SPATC1: variants seen among roughly 807,000 people sequenced by gnomAD.
SPATC1 encodes spermatogenesis and centriole associated 1.
In SPATC1, 35 loss-of-function variants were observed where a neutral mutation model predicts 36.5. The ratio of observed to expected loss-of-function variants is 0.96; its 90% confidence interval spans 0.73 to 1.27. The LOEUF is 1.27. Ranked by LOEUF, SPATC1 falls within the 50% of genes most tolerant of loss-of-function variation. The probability of loss-of-function intolerance (pLI) is 0.00; values close to 1 mark genes in which losing one functional copy is unlikely to be tolerated. For missense variants in SPATC1, 779 were observed against 796.0 expected (o/e 0.98, Z 0.26); for synonymous variants, 361 against 353.6 (o/e 1.02, Z -0.24).
intron 1 of SPATC1, among the ~76,000 whole-genome samples, chr8:144,022,691 CTG>C (rs1834562029): frequency 6.6e-6 from 1 of 150,742 alleles, no homozygotes; most frequent in Non-Finnish European, 1.5e-5. Context: ...CTCCTCAGGA[CTG>C]CCTTCCCTCA....
chr8:144,015,905 A>T (rs528998213), intron 1 of SPATC1, among the ~76,000 whole-genome samples: 8 of 151,256 alleles, frequency 5.3e-5, no homozygotes, highest in Admixed American at 5.3e-4. Context: ...TAAAAATACA[A>T]AAACAAAATT....
rs1313059247 is a variant in SPATC1, at chr8:144,046,359, G to A, written c.1447-268G>A. Among the ~76,000 whole-genome samples, 1 of 152,108 alleles carries A rather than the reference G, an allele frequency of 6.6e-6. No homozygotes were observed. Among genetic ancestry groups the A allele is most frequent in the Non-Finnish European group, 1.5e-5 (1 of 67,994 alleles). On this transcript the variant is annotated intron_variant, in intron 4 of 4. Coordinates refer to ENST00000377470, the MANE Select transcript of SPATC1 (RefSeq NM_198572.3). The surrounding 1 kb of genome is among the most constrained non-coding windows in gnomAD (Gnocchi z 6.6). Reference sequence around the variant, plus strand: ...TGCGTGGAGCAGACGACAGGGTTGGGGCATCCTCTTCCACCCTGTGGCTGA... The same window carrying A: ...TGCGTGGAGCAGACGACAGGGTTGGAGCATCCTCTTCCACCCTGTGGCTGA...
At chr8:144,014,491 A>C (rs553522443) in intron 1 of SPATC1, among the ~76,000 whole-genome samples, 1 of 151,564 alleles carries the variant, frequency 6.6e-6, no homozygotes, top group Admixed American at 6.6e-5. Context: ...GGAAGGAAAG[A>C]AGGAAGGAAG....
At position 144,045,352 on chromosome 8, in the gene SPATC1, T is replaced by A. The variant is rs1316088142; in HGVS notation, c.1447-1275T>A. On this transcript the variant is annotated intron_variant, in intron 4 of 4. Coordinates refer to ENST00000377470, the MANE Select transcript of SPATC1 (RefSeq NM_198572.3). This position sits in a 1 kb window ranked among gnomAD's most constrained non-coding sequence, Gnocchi z 5.2. ...GCTGAGCGCAGGCTCTGGGAGCACT[T>A]AGCAGAGGTTGACGTCACATTAACC... Among the ~76,000 whole-genome samples the A allele has an allele frequency of 2.0e-5, 3 of 152,202 alleles. No homozygotes were observed. Among genetic ancestry groups the A allele is most frequent in the African/African-American group, 7.2e-5 (3 of 41,438 alleles).
intron 1 of SPATC1, among the ~76,000 whole-genome samples, chr8:144,017,220 T>A (rs1554753358): frequency 1.3e-5 from 2 of 152,174 alleles, no homozygotes; most frequent in African/African-American, 4.8e-5. Context: ...CCAAGGCAGA[T>A]CTCTATAGTT....
chr8:144,044,141 C>T (rs1415600653), intron 4 of SPATC1, among the ~76,000 whole-genome samples: 1 of 152,168 alleles, frequency 6.6e-6, no homozygotes, highest in Non-Finnish European at 1.5e-5. Context: ...CCTGGGGAGG[C>T]ATTCAGTAAA....
At chr8:144,014,715 CA>C (rs1834348306) in intron 1 of SPATC1, among the ~76,000 whole-genome samples, 1 of 152,150 alleles carries the variant, frequency 6.6e-6, no homozygotes, top group African/African-American at 2.4e-5. Flanking sequence ...GAGCGTGCCA[CA>C]AGTAGAAGTG....
chr8:144,041,295 T>A lies in SPATC1; in HGVS notation c.1370T>A (p.Ile457Asn). ...ATTGCCTTCCAGCTGGACCGCAGGA[T>A]CCTGTCCAGCATCTTCCCAGAGCGC... ...GEIAFQLDRR[I>N]LSSIFPERVR... is the part of the protein sequence containing the mutation. The change falls in exon 4 of 5, where the codon ATC (isoleucine) becomes AAC (asparagine). Residue 457 changes from isoleucine to asparagine, a missense_variant. Ile to Asn is a moderately radical substitution (Grantham distance 149). Coordinates refer to ENST00000377470, the MANE Select transcript of SPATC1 (RefSeq NM_198572.3). The A allele has an allele frequency of 6.2e-7, 1 of 1,613,214 alleles. No individual in the cohort carries two copies. The highest frequency in any genetic ancestry group is 8.5e-7 in the Non-Finnish European group (1 of 1,179,998).
intron 4 of SPATC1, among the ~76,000 whole-genome samples, chr8:144,042,311 A>ATATATATTTTT (rs1412021347): frequency 2.9e-4 from 7 of 23,884 alleles, no homozygotes; most frequent in Admixed American, 7.0e-4. Context: ...ATATATATAT[A>ATATATATTTTT]TTTTTTTTTT....
chr8:144,029,062 G>A (rs1834742194), intron 1 of SPATC1, among the ~76,000 whole-genome samples: 1 of 151,828 alleles, frequency 6.6e-6, no homozygotes, highest in South Asian at 2.1e-4. Context: ...GAGGGGTTGG[G>A]GGAGGGAGAG....
chr8:144,021,131 T>TC, intron 1 of SPATC1, among the ~76,000 whole-genome samples: 4 of 1,878 alleles, frequency 2.1e-3, no homozygotes, highest in Admixed American at 5.6e-3. Context: ...GAGGATTCTC[T>TC]CCCTCAGGAC....
rs137945127 is a variant in SPATC1 at position 144,046,922 on chromosome 8, C to T, written c.1742C>T (p.Ala581Val). The change falls in exon 5 of 5, where the codon GCG becomes GTG. Residue 581 changes from alanine (A) to valine (V), a missense_variant. Coordinates refer to ENST00000377470, the MANE Select transcript of SPATC1 (RefSeq NM_198572.3). The surrounding 1 kb of genome is among the most constrained non-coding windows in gnomAD (Gnocchi z 6.6). ...CTGCTCTCCTGCCTCAGCCAGCTGG[C>T]GCACGATGACGGCAAGCCCATGTTC... The part of the protein sequence containing the change: ...LLLLSCLSQL[A>V]HDDGKPMFIW 5.4e-5 allele frequency: 87 copies of T among 1,598,220 alleles called. No individual in the cohort carries two copies. The highest frequency in any genetic ancestry group is 6.4e-5 in the Non-Finnish European group (75 of 1,179,558).
intron 1 of SPATC1, among the ~76,000 whole-genome samples, chr8:144,039,020 CTG>C (rs1442733454): frequency 6.6e-6 from 1 of 152,222 alleles, no homozygotes; most frequent in African/African-American, 2.4e-5. Flanking sequence ...TAGAGACTAA[CTG>C]TGGGATGATG....
chr8:144,035,284 A>G (rs1834875658), intron 1 of SPATC1, among the ~76,000 whole-genome samples: 1 of 152,198 alleles, frequency 6.6e-6, no homozygotes, highest in African/African-American at 2.4e-5. Flanking sequence ...GGATGAGGGC[A>G]GCATGGGAAG....
In SPATC1 at chr8:144,046,775, A is replaced by G. The variant is rs1554756852; in HGVS notation, c.1595A>G (p.Tyr532Cys). 1 of 1,610,660 alleles carries G rather than the reference A, an allele frequency of 6.2e-7. No individual in the cohort carries two copies. The highest frequency in any genetic ancestry group is 8.5e-7 in the Non-Finnish European group (1 of 1,179,998). Reference protein sequence around the residue: ...PALTEQLVNAYGILRERPELA... With the variant: ...PALTEQLVNACGILRERPELA... ...CTGACCGAGCAGCTGGTGAACGCTTATGGCATCCTGCGAGAGCGCCCGGAG... is the reference window on the plus strand; with the variant it reads ...CTGACCGAGCAGCTGGTGAACGCTTGTGGCATCCTGCGAGAGCGCCCGGAG... The change falls in exon 5 of 5, where the codon TAT (tyrosine) becomes TGT (cysteine). Residue 532 changes from tyrosine to cysteine, a missense_variant. Tyr to Cys is a radical substitution (Grantham distance 194). Coordinates refer to ENST00000377470, the MANE Select transcript of SPATC1 (RefSeq NM_198572.3). The surrounding 1 kb of genome is among the most constrained non-coding windows in gnomAD (Gnocchi z 6.6).
chr8:144,015,598 C>T (rs1554753087), intron 1 of SPATC1, among the ~76,000 whole-genome samples: 18 of 150,472 alleles, frequency 1.2e-4, no homozygotes, highest in Non-Finnish European at 2.5e-4. Context: ...AAAAATCAGC[C>T]GGGTGTGGTG....
At chr8:144,039,099 T>A (rs971097988) in intron 1 of SPATC1, among the ~76,000 whole-genome samples, 1 of 152,242 alleles carries the variant, frequency 6.6e-6, no homozygotes, top group Non-Finnish European at 1.5e-5. Flanking sequence ...AAGCATGTAC[T>A]GCATTTATAA....
chr8:144,033,931 T>C (rs1321142090), intron 1 of SPATC1, among the ~76,000 whole-genome samples: 1 of 152,222 alleles, frequency 6.6e-6, no homozygotes, highest in Non-Finnish European at 1.5e-5. Context: ...CAAGGAATCC[T>C]GATGGGGAGA....
rs557174546 is a variant in SPATC1, at chr8:144,040,224, C to T, written c.527C>T (p.Ala176Val). 8.1e-6 allele frequency: 13 copies of T among 1,612,914 alleles called. No individual in the cohort carries two copies. The African/African-American group carries it at 1.5e-4, about 18-fold the overall frequency. ...AGCAGCCTCGTGGCAGGCCCTGTGG[C>T]CATGTCCCAGAGCAGCCCCCTGATA... ...TPSSLVAGPVAMSQSSPLIAP... is the reference protein window; with the variant it reads ...TPSSLVAGPVVMSQSSPLIAP... Residue 176 changes from alanine (A) to valine (V), a missense_variant, in exon 2 of 5, where the codon GCC (alanine) becomes GTC (valine). Transcript: ENST00000377470.
Sources: gnomAD v4.1 joint callset for allele counts (sites outside exome capture counted in the v4.1 genomes callset) on GRCh38, gnomAD v4.1.1 for gene constraint, Gnocchi (gnomAD v3.1) non-coding constraint, MANE v1.5 for transcripts, NCBI Gene and HGNC (gene_info 2026-07-23, HGNC 2026-07-21) for gene names.